ZDHHC7: variants seen among roughly 807,000 people sequenced by gnomAD.
ZDHHC7 encodes the protein palmitoyltransferase ZDHHC7.
In ZDHHC7, 12 loss-of-function variants were observed where a neutral mutation model predicts 34.1. That is an observed-to-expected ratio of 0.35 (90% CI 0.23 to 0.57). The LOEUF is 0.57. ZDHHC7 is among the 20% of genes least tolerant of loss of function. The pLI is 0.84. For missense variants in ZDHHC7, 388 were observed against 402.7 expected (o/e 0.96, Z 0.31); for synonymous variants, 185 against 155.4 (o/e 1.19, Z -1.42).
intron 1 of ZDHHC7, among the ~76,000 whole-genome samples, chr16:85,005,556 G>GT (rs1304472000): frequency 6.6e-6 from 1 of 152,210 alleles, no homozygotes; most frequent in Non-Finnish European, 1.5e-5. Flanking sequence ...AGTCAGAACT[G>GT]TTTTGATTCC....
upstream of ZDHHC7, among the ~76,000 whole-genome samples, chr16:85,013,249 T>C (rs35652676): frequency 0.41 from 61,692 of 151,970 alleles, 13,727 homozygotes; most frequent in African/African-American, 0.6. Flanking sequence ...ATTATTATTA[T>C]TATTTTACTT....
intron 2 of ZDHHC7, 94 bp from the exon 3 acceptor site, chr16:84,990,729 T>G: frequency 2.9e-6 from 3 of 1,036,816 alleles, no homozygotes; most frequent in Non-Finnish European, 4.2e-6. Flanking sequence ...GGCCATTTCA[T>G]GAAGTTAGTC....
At chr16:84,989,022 TCAGGAG>T (rs2072474301) in intron 3 of ZDHHC7, 4 of 777,826 alleles carry the variant, frequency 5.1e-6, no homozygotes, top group Non-Finnish European at 8.4e-6. Flanking sequence ...CACACAGGGA[TCAGGAG>T]CAGGGTCTGG....
intron 1 of ZDHHC7, among the ~76,000 whole-genome samples, chr16:85,009,171 TTAAC>T (rs1334659342): frequency 2.6e-5 from 4 of 152,102 alleles, no homozygotes; most frequent in African/African-American, 9.7e-5. Flanking sequence ...ATCCCAAACA[TTAAC>T]TTTCTACATG....
chr16:85,000,252 T>C (rs2072636409), intron 1 of ZDHHC7, among the ~76,000 whole-genome samples: 1 of 152,182 alleles, frequency 6.6e-6, no homozygotes, highest in Non-Finnish European at 1.5e-5. Flanking sequence ...GGTGTGATAG[T>C]GCAAGGGTGC....
chr16:84,985,449 G>A (rs890900677), intron 3 of ZDHHC7, among the ~76,000 whole-genome samples: 2 of 152,224 alleles, frequency 1.3e-5, no homozygotes, highest in African/African-American at 4.8e-5. Context: ...CCTAATTTAT[G>A]GAAAATGCTG....
At position 84,977,075 on chromosome 16, in the gene ZDHHC7, C is replaced by G; in HGVS notation, c.750+20G>C. On this transcript the variant is annotated intron_variant, in intron 7 of 7. Coordinates refer to ENST00000313732, the MANE Select transcript of ZDHHC7 (RefSeq NM_017740.3). ...GCTTGGACCACATATGAAGTCCACA[C>G]AGCCGAGAACAAAGCTTACCGTCTC... 1 of 1,613,800 alleles carries G rather than the reference C, an allele frequency of 6.2e-7. No individual in the cohort carries two copies. The highest frequency in any genetic ancestry group is 8.5e-7 in the Non-Finnish European group (1 of 1,179,824).
intron 1 of ZDHHC7, among the ~76,000 whole-genome samples, chr16:85,001,533 G>A (rs2072653590): frequency 6.6e-6 from 1 of 151,738 alleles, no homozygotes; most frequent in Admixed American, 6.6e-5. Context: ...TGGGGTGGAA[G>A]TTTCCAGGTA....
the ZDHHC7 span, among the ~76,000 whole-genome samples, chr16:85,024,223 G>GTTT: frequency 8.2e-6 from 1 of 122,342 alleles, no homozygotes; most frequent in African/African-American, 3.1e-5. Context: ...TGGTCTCAGA[G>GTTT]TTTTTTGTTT....
intron 4 of ZDHHC7, among the ~76,000 whole-genome samples, chr16:84,979,602 G>C (rs1458443545): frequency 6.6e-6 from 1 of 152,074 alleles, no homozygotes; most frequent in African/African-American, 2.4e-5. Context: ...AATTTTGCAA[G>C]CTTACAAGTC....
chr16:85,000,084 G>A (rs909816730), intron 1 of ZDHHC7, among the ~76,000 whole-genome samples: 1 of 151,536 alleles, frequency 6.6e-6, no homozygotes, highest in African/African-American at 2.4e-5. Context: ...AGGCTGCAGT[G>A]AGCTGTGTTT....
At chr16:85,021,684 C>T in the ZDHHC7 span, among the ~76,000 whole-genome samples, 22 of 151,778 alleles carry the variant, frequency 1.4e-4, no homozygotes, top group Non-Finnish European at 2.9e-4. Context: ...TGCCACTGCA[C>T]TCCAGCCTGG....
chr16:85,026,888 T>C, the ZDHHC7 span, among the ~76,000 whole-genome samples: 1 of 152,104 alleles, frequency 6.6e-6, no homozygotes, highest in Non-Finnish European at 1.5e-5. Flanking sequence ...CAGAACCAGA[T>C]TCTCCACTTT....
chr16:85,007,881 G>A (rs911431737), intron 1 of ZDHHC7, among the ~76,000 whole-genome samples: 3 of 152,038 alleles, frequency 2.0e-5, no homozygotes, highest in South Asian at 2.1e-4. Context: ...ACATGCCTCC[G>A]GGCGGCCAAG....
chr16:84,982,128 A>C, intron 3 of ZDHHC7, 134 bp from the exon 4 acceptor site: 2 of 1,177,488 alleles, frequency 1.7e-6, no homozygotes, highest in Non-Finnish European at 2.4e-6. Flanking sequence ...TCAGGAGTTC[A>C]AGACCAGCCT....
At chr16:85,010,388 A>G (rs1367609669) in intron 1 of ZDHHC7, among the ~76,000 whole-genome samples, 1 of 152,228 alleles carries the variant, frequency 6.6e-6, no homozygotes, top group Admixed American at 6.5e-5. Context: ...AACATAACAA[A>G]AAAGAGATTC....
the ZDHHC7 span, among the ~76,000 whole-genome samples, chr16:85,026,915 G>A: frequency 2.8e-4 from 43 of 152,198 alleles, no homozygotes; most frequent in African/African-American, 9.9e-4. Context: ...TGCTGGAGTC[G>A]AGTTTGACAT....
intron 1 of ZDHHC7, among the ~76,000 whole-genome samples, chr16:84,998,035 C>T (rs559784015): frequency 2.7e-5 from 4 of 150,638 alleles, no homozygotes; most frequent in Non-Finnish European, 4.4e-5. Flanking sequence ...CCGAGGCGGG[C>T]GGATCACGAG....
At chr16:84,987,368 T>C (rs1982967) in intron 3 of ZDHHC7, among the ~76,000 whole-genome samples, 29,950 of 152,002 alleles carry the variant, frequency 0.2, 3,134 homozygotes, top group Admixed American at 0.29. Context: ...CACAAAAGAA[T>C]GGCAATAATG....
Sources: gnomAD v4.1 joint callset for allele counts (sites outside exome capture counted in the v4.1 genomes callset) on GRCh38, gnomAD v4.1.1 for gene constraint, MANE v1.5 for transcripts, NCBI Gene and HGNC (gene_info 2026-07-23, HGNC 2026-07-21) for gene names.